Variants in MMP26 observed in about 807,000 individuals in gnomAD.
The protein encoded by MMP26 is matrix metallopeptidase 26.
MMP26 carries 33 observed loss-of-function variants against 31.0 expected under a neutral mutation model. The observed-to-expected ratio is 1.06, with a 90% CI of 0.81 to 1.42. The LOEUF is 1.42. Ranked by LOEUF, MMP26 falls within the 40% of genes most tolerant of loss-of-function variation. MMP26 has a pLI of 0.00. For missense variants in MMP26, 347 were observed against 316.1 expected (o/e 1.10, Z -0.74); for synonymous variants, 122 against 114.9 (o/e 1.06, Z -0.40).
At chr11:4,983,760 CA>C (rs1471092894) in intron 2 of MMP26, among the ~76,000 whole-genome samples, 1 of 152,120 alleles carries the variant, frequency 6.6e-6, no homozygotes. Context: ...CTTACATTGC[CA>C]ATATCTTCTG....
chr11:4,877,207 T>C (rs1850394967), intron 2 of MMP26: 1 of 152,218 alleles, frequency 6.6e-6, no homozygotes, highest in South Asian at 2.1e-4. Context: ...TTAATACTTT[T>C]GGCCTCTTAC....
intron 2 of MMP26, among the ~76,000 whole-genome samples, chr11:4,858,209 T>C (rs1018386795): frequency 6.6e-6 from 1 of 152,068 alleles, no homozygotes; most frequent in Non-Finnish European, 1.5e-5. Flanking sequence ...CAACATAGTA[T>C]TGGAAGTTCT....
intron 1 of MMP26, among the ~76,000 whole-genome samples, chr11:4,713,267 G>A (rs1413072677): frequency 6.6e-6 from 1 of 152,086 alleles, no homozygotes; most frequent in African/African-American, 2.4e-5. Context: ...TTTGTATTAT[G>A]TTATTTAGAT....
At chr11:4,960,338 CT>C (rs1846503874) in intron 2 of MMP26, among the ~76,000 whole-genome samples, 10 of 144,588 alleles carry the variant, frequency 6.9e-5, no homozygotes, top group Non-Finnish European at 1.5e-4. Context: ...TTTTTTTTTT[CT>C]GTAATGTTAG....
At chr11:4,961,667 ATCT>A (rs1846522819) in intron 2 of MMP26, among the ~76,000 whole-genome samples, 1 of 152,248 alleles carries the variant, frequency 6.6e-6, no homozygotes, top group African/African-American at 2.4e-5. Context: ...TAATGTACTA[ATCT>A]ATTCTTCAGA....
chr11:4,859,112 A>G (rs1195992327), intron 2 of MMP26, among the ~76,000 whole-genome samples: 1 of 152,182 alleles, frequency 6.6e-6, no homozygotes, highest in African/African-American at 2.4e-5. Context: ...CTAAAACCAT[A>G]AAAACCCTAG....
chr11:4,909,241 CT>C (rs964327509), intron 2 of MMP26: 8 of 151,946 alleles, frequency 5.3e-5, no homozygotes, highest in Non-Finnish European at 1.2e-4. Context: ...ATATTTTAAA[CT>C]TTTTTTCTCA....
chr11:4,900,498 A>G (rs1264872913), intron 2 of MMP26, among the ~76,000 whole-genome samples: 1 of 152,118 alleles, frequency 6.6e-6, no homozygotes, highest in African/African-American at 2.4e-5. Context: ...TGAGTGGGAA[A>G]CTATGCTTTG....
intron 2 of MMP26, among the ~76,000 whole-genome samples, chr11:4,982,889 C>G (rs1846835102): frequency 1.3e-5 from 2 of 152,134 alleles, no homozygotes; most frequent in African/African-American, 4.8e-5. Flanking sequence ...TGTGTAAGGT[C>G]CAGGTTACAT....
In MMP26 at chr11:4,732,921, T is replaced by C. The variant is rs372225065; in HGVS notation, c.-217+27876T>C. Among the ~76,000 whole-genome samples, 10 of 152,244 alleles carry C rather than the reference T, an allele frequency of 6.6e-5. No individual in the cohort carries two copies. The East Asian group carries it at 9.6e-4, about 15-fold the overall frequency. On this transcript the variant is annotated intron_variant, in intron 1 of 7. Coordinates refer to ENST00000380390, the MANE Select transcript of MMP26 (RefSeq NM_021801.5). Reference sequence around the variant, plus strand: ...TGTTGAAAACACCATTCTTTCTTCATTGAGCTGTCTTGACACCCTGGTTAA... The same window carrying C: ...TGTTGAAAACACCATTCTTTCTTCACTGAGCTGTCTTGACACCCTGGTTAA...
At chr11:4,926,593 G>A (rs958810384) in intron 2 of MMP26, among the ~76,000 whole-genome samples, 1 of 152,114 alleles carries the variant, frequency 6.6e-6, no homozygotes, top group Non-Finnish European at 1.5e-5. Context: ...AGAAACCTTT[G>A]GAGGTCATCT....
chr11:4,893,599 G>T (rs919488123), intron 2 of MMP26, among the ~76,000 whole-genome samples: 20 of 152,068 alleles, frequency 1.3e-4, no homozygotes, highest in African/African-American at 4.1e-4. Flanking sequence ...CTCTTAAGCA[G>T]TCTTATCTAT....
At chr11:4,907,275 C>G (rs569408445) in intron 2 of MMP26, 1 of 760,776 alleles carries the variant, frequency 1.3e-6, no homozygotes, top group Admixed American at 2.5e-5. Context: ...CGAATGAACC[C>G]CTTATCCTCA....
At chr11:4,788,214 T>C (rs530749389) in intron 2 of MMP26, among the ~76,000 whole-genome samples, 12 of 152,168 alleles carry the variant, frequency 7.9e-5, no homozygotes, top group African/African-American at 2.9e-4. Context: ...TTCTGCTTTC[T>C]CAGAACAGCT....
At chr11:4,891,127 G>T (rs1850615145) in intron 2 of MMP26, among the ~76,000 whole-genome samples, 1 of 151,986 alleles carries the variant, frequency 6.6e-6, no homozygotes, top group African/African-American at 2.4e-5. Context: ...GCAAACATTT[G>T]TTCAGGCAAG....
Position 4,988,204 on chromosome 11 carries a change from G to A in MMP26, c.-8G>A, listed in dbSNP as rs921707023. 1 of 1,613,774 alleles carries A rather than the reference G, an allele frequency of 6.2e-7. No homozygotes were observed. Among genetic ancestry groups the A allele is most frequent in the Non-Finnish European group, 8.5e-7 (1 of 1,179,732 alleles). On this transcript the variant is annotated 5_prime_UTR_variant, in exon 3 of 8. Coordinates refer to ENST00000380390, the MANE Select transcript of MMP26 (RefSeq NM_021801.5). The stretch of plus-strand genomic sequence containing the variant: ...GAATTCAAGCAGTGGGACAAATGAG[G>A]GTTTGGCATGCAGCTCGTCATCTTA...
chr11:4,872,274 TA>T (rs2133527571), intron 2 of MMP26, among the ~76,000 whole-genome samples: 1 of 152,208 alleles, frequency 6.6e-6, no homozygotes, highest in African/African-American at 2.4e-5. Flanking sequence ...CACACAAGGA[TA>T]TTGCTTGTGG....
chr11:4,804,000 C>T (rs768291382), intron 2 of MMP26: 1 of 1,613,804 alleles, frequency 6.2e-7, no homozygotes, highest in Non-Finnish European at 8.5e-7. Context: ...AGCAGATAGC[C>T]ACGTAGCAGT....
intron 1 of MMP26, among the ~76,000 whole-genome samples, chr11:4,707,212 G>C (rs940328522): frequency 6.6e-6 from 1 of 152,060 alleles, no homozygotes; most frequent in East Asian, 1.9e-4. Context: ...TTTATAATAA[G>C]TATTTTCATA....
Sources: allele counts gnomAD v4.1 joint callset (sites outside exome capture counted in the v4.1 genomes callset), GRCh38; gene constraint gnomAD v4.1.1; transcripts MANE v1.5; gene names NCBI Gene and HGNC (gene_info 2026-07-23, HGNC 2026-07-21).